The following HS3ST4 variants were observed in gnomAD, a reference collection of about 807,000 sequenced individuals.
HS3ST4 encodes heparan sulfate-glucosamine 3-sulfotransferase 4.
HS3ST4 carries 17 observed loss-of-function variants against 29.2 expected under a neutral mutation model. That is an observed-to-expected ratio of 0.58 (90% CI 0.40 to 0.87). The LOEUF (loss-of-function observed/expected upper bound fraction) is 0.87. HS3ST4 is among the 40% of genes least tolerant of loss of function. The pLI, the probability that HS3ST4 is intolerant of heterozygous loss-of-function variation, is 0.00. For missense variants in HS3ST4, 627 were observed against 634.5 expected, an observed-to-expected ratio of 0.99 and a Z score of 0.13; for synonymous variants, 314 against 285.7, an observed-to-expected ratio of 1.10 and a Z score of -1.00.
In HS3ST4 at chr16:25,693,083, C is replaced by T. The variant is rs1221104196; in HGVS notation, c.666C>T (p.Asp222=). ...ALLEAIRVHP[D]VRAVGVEPHF... The stretch of plus-strand genomic sequence containing the variant: ...TGGAGGCGATCCGCGTGCACCCGGA[C>T]GTGCGGGCGGTGGGCGTAGAGCCGC... The change falls in exon 1 of 2, where the codon GAC becomes GAT. Residue 222 remains aspartate (D), a synonymous_variant. Coordinates refer to ENST00000331351, the MANE Select transcript of HS3ST4 (RefSeq NM_006040.3). 2 of 1,608,276 alleles carry T rather than the reference C, an allele frequency of 1.2e-6. No individual in the cohort carries two copies. Among genetic ancestry groups the T allele is most frequent in the Non-Finnish European group, 1.7e-6 (2 of 1,177,734 alleles).
chr16:26,036,456 G>A (rs1969584335), intron 1 of HS3ST4, among the ~76,000 whole-genome samples: 1 of 152,176 alleles, frequency 6.6e-6, no homozygotes, highest in Non-Finnish European at 1.5e-5. Context: ...TGTCTTGCCT[G>A]AAATTGAGCT....
At chr16:25,783,870 G>A (rs145223907) in intron 1 of HS3ST4, among the ~76,000 whole-genome samples, 27 of 152,198 alleles carry the variant, frequency 1.8e-4, no homozygotes, top group African/African-American at 5.5e-4. Context: ...TTTAATTTTT[G>A]TGCTTCACTG....
chr16:25,757,232 C>G (rs1966763676), intron 1 of HS3ST4, among the ~76,000 whole-genome samples: 1 of 152,142 alleles, frequency 6.6e-6, no homozygotes, highest in Admixed American at 6.5e-5. Context: ...CCCAGTACCA[C>G]ATTATTTTGA....
intron 1 of HS3ST4, among the ~76,000 whole-genome samples, chr16:25,746,416 A>G (rs1261214660): frequency 6.6e-6 from 1 of 152,148 alleles, no homozygotes; most frequent in East Asian, 1.9e-4. Context: ...ATGTGGGCAA[A>G]GGCATGGAGA....
intron 1 of HS3ST4, among the ~76,000 whole-genome samples, chr16:25,746,074 T>C (rs1966683444): frequency 6.6e-6 from 1 of 152,220 alleles, no homozygotes; most frequent in South Asian, 2.1e-4. Context: ...CTTTGCCCAT[T>C]GTTCCATGGA....
chr16:25,814,439 C>T (rs776861086), intron 1 of HS3ST4, among the ~76,000 whole-genome samples: 3 of 152,002 alleles, frequency 2.0e-5, no homozygotes, highest in Non-Finnish European at 2.9e-5. Flanking sequence ...CTCTGCTTCC[C>T]GGATTTAAGC....
intron 1 of HS3ST4, among the ~76,000 whole-genome samples, chr16:26,101,081 C>T (rs1001537107): frequency 1.3e-5 from 2 of 152,196 alleles, no homozygotes; most frequent in Admixed American, 1.3e-4. Flanking sequence ...ACCGTTTACT[C>T]CAGTTGGTGT....
chr16:25,758,268 C>G (rs1434302153), intron 1 of HS3ST4, among the ~76,000 whole-genome samples: 1 of 152,164 alleles, frequency 6.6e-6, no homozygotes, highest in East Asian at 1.9e-4. Flanking sequence ...AGTATTGATC[C>G]TGTCATTGAT....
At chr16:25,709,263 T>C (rs1363652410) in intron 1 of HS3ST4, among the ~76,000 whole-genome samples, 1 of 152,122 alleles carries the variant, frequency 6.6e-6, no homozygotes, top group African/African-American at 2.4e-5. Flanking sequence ...GCTTGTCATC[T>C]TTGTCCTGGA....
chr16:26,111,993 G>A (rs1021086805), intron 1 of HS3ST4, among the ~76,000 whole-genome samples: 2 of 145,990 alleles, frequency 1.4e-5, no homozygotes, highest in African/African-American at 5.0e-5. Flanking sequence ...CTCCAGCCCG[G>A]CGACAGAGTG....
chr16:25,961,109 C>A (rs1005607773), intron 1 of HS3ST4, among the ~76,000 whole-genome samples: 1 of 152,176 alleles, frequency 6.6e-6, no homozygotes, highest in Non-Finnish European at 1.5e-5. Context: ...ATATATCTTC[C>A]ATCTTCCATG....
At chr16:25,911,177 A>G (rs1968234867) in intron 1 of HS3ST4, among the ~76,000 whole-genome samples, 1 of 152,190 alleles carries the variant, frequency 6.6e-6, no homozygotes, top group African/African-American at 2.4e-5. Context: ...GATAAGTGTT[A>G]TCAGTCCAGG....
At chr16:25,917,981 C>A (rs1432781168) in intron 1 of HS3ST4, among the ~76,000 whole-genome samples, 2 of 152,166 alleles carry the variant, frequency 1.3e-5, no homozygotes, top group Non-Finnish European at 2.9e-5. Context: ...ACTTTAATAT[C>A]TCCAAACCTT....
chr16:25,978,962 C>T (rs567335616), intron 1 of HS3ST4, among the ~76,000 whole-genome samples: 20 of 63,342 alleles, frequency 3.2e-4, no homozygotes, highest in Admixed American at 7.0e-4. Context: ...TTTTTTGAGA[C>T]GAGTTTCTCT....
chr16:25,696,091 A>G (rs944576848), intron 1 of HS3ST4, among the ~76,000 whole-genome samples: 1 of 152,230 alleles, frequency 6.6e-6, no homozygotes, highest in Non-Finnish European at 1.5e-5. Flanking sequence ...GAACGTGTGC[A>G]TCAGATTTTC....
chr16:25,981,371 TG>T (rs1969003334), intron 1 of HS3ST4, among the ~76,000 whole-genome samples: 1 of 151,402 alleles, frequency 6.6e-6, no homozygotes, highest in Non-Finnish European at 1.5e-5. Context: ...TTCAGGGATT[TG>T]GGTTTGGAAT....
intron 1 of HS3ST4, among the ~76,000 whole-genome samples, chr16:26,019,981 TC>T (rs2141746056): frequency 6.6e-6 from 1 of 152,314 alleles, no homozygotes; most frequent in Non-Finnish European, 1.5e-5. Flanking sequence ...TTAATGTCCA[TC>T]TTGAAAACTG....
intron 1 of HS3ST4, among the ~76,000 whole-genome samples, chr16:26,132,804 CA>C (rs1899437608): frequency 1.3e-5 from 2 of 152,132 alleles, no homozygotes; most frequent in Non-Finnish European, 2.9e-5. Flanking sequence ...AAAAGTACAT[CA>C]GGGGAACTAA....
At chr16:25,927,343 T>C (rs1031729250) in intron 1 of HS3ST4, among the ~76,000 whole-genome samples, 1 of 152,204 alleles carries the variant, frequency 6.6e-6, no homozygotes, top group African/African-American at 2.4e-5. Flanking sequence ...AAGAAGAAGA[T>C]GTAGGATGGG....
Sources: allele counts gnomAD v4.1 joint callset (sites outside exome capture counted in the v4.1 genomes callset), GRCh38; gene constraint gnomAD v4.1.1; transcripts MANE v1.5; gene names NCBI Gene and HGNC (gene_info 2026-07-23, HGNC 2026-07-21).